PHACTR3: variants seen among roughly 807,000 people sequenced by gnomAD.
The protein encoded by PHACTR3 is phosphatase and actin regulator 3, also known as protein phosphatase 1, regulatory subunit 123.
A neutral mutation model predicts 66.8 loss-of-function variants in PHACTR3; 16 were observed. The observed-to-expected ratio is 0.24, with a 90% CI of 0.16 to 0.36. The LOEUF (loss-of-function observed/expected upper bound fraction) is 0.36, where lower values mean the gene tolerates loss of function less well. Ranked by LOEUF, PHACTR3 falls within the 10% of genes least tolerant of loss-of-function variation. PHACTR3 has a pLI of 1.00. For missense variants in PHACTR3, 647 were observed against 719.9 expected, an observed-to-expected ratio of 0.90 and a Z score of 1.16; for synonymous variants, 323 against 292.1, an observed-to-expected ratio of 1.11 and a Z score of -1.08.
intron 1 of PHACTR3, among the ~76,000 whole-genome samples, chr20:59,667,800 T>C (rs1036235316): frequency 1.3e-5 from 2 of 152,178 alleles, no homozygotes; most frequent in African/African-American, 4.8e-5. Flanking sequence ...GGCCTTTCTG[T>C]CTAAGCAGAT....
intron 1 of PHACTR3, among the ~76,000 whole-genome samples, chr20:59,696,670 C>T (rs1467095728): frequency 6.6e-6 from 1 of 152,170 alleles, no homozygotes; most frequent in Non-Finnish European, 1.5e-5. Flanking sequence ...GCAGCTCCTG[C>T]CCTGGCTCTG....
At chr20:59,765,918 T>C (rs577818323) in intron 4 of PHACTR3, among the ~76,000 whole-genome samples, 23 of 152,262 alleles carry the variant, frequency 1.5e-4, no homozygotes, top group Admixed American at 1.0e-3. Context: ...TGGGTAGTTG[T>C]AAAAACTGAA....
At position 59,640,699 on chromosome 20, in the gene PHACTR3, G is replaced by C. The variant is rs147644037; in HGVS notation, c.118+35567G>C. Among the ~76,000 whole-genome samples the C allele has an allele frequency of 2.1e-3, 317 of 152,296 alleles. 1 individual carries two copies. The highest frequency in any genetic ancestry group is 7.3e-3 in the African/African-American group (305 of 41,564). On this transcript the variant is annotated intron_variant, in intron 1 of 12. Transcript: ENST00000371015. ...CAACCATGGGGAGAACCTAAGTCTTGTTTCTAGAGAGATCATAGGGTTGTA... is the reference window on the plus strand; with the variant it reads ...CAACCATGGGGAGAACCTAAGTCTTCTTTCTAGAGAGATCATAGGGTTGTA...
chr20:59,602,966 T>C (rs1600892727), upstream of PHACTR3, among the ~76,000 whole-genome samples: 1 of 152,302 alleles, frequency 6.6e-6, no homozygotes, highest in East Asian at 1.9e-4. Context: ...CTCTTGAAGT[T>C]GCCTTCATCT....
chr20:59,843,530 A>C (rs1410682592), intron 11 of PHACTR3: 6 of 152,138 alleles, frequency 3.9e-5, no homozygotes, highest in Non-Finnish European at 1.5e-5. Flanking sequence ...GAAAAAATTC[A>C]CTTATTTACA....
intron 7 of PHACTR3, among the ~76,000 whole-genome samples, chr20:59,805,580 C>T (rs2426842): frequency 0.74 from 112,618 of 151,994 alleles, 46,566 homozygotes; most frequent in Non-Finnish European, 0.93. Flanking sequence ...GAGACCCTAG[C>T]GTGGGATATC....
At chr20:59,678,911 A>G in intron 1 of PHACTR3, among the ~76,000 whole-genome samples, 1 of 149,724 alleles carries the variant, frequency 6.7e-6, no homozygotes. Context: ...GGCTGTTACA[A>G]AGGCAATTGC....
intron 3 of PHACTR3, among the ~76,000 whole-genome samples, chr20:59,750,020 C>A (rs569744929): frequency 3.9e-5 from 6 of 152,102 alleles, no homozygotes; most frequent in Non-Finnish European, 7.3e-5. Flanking sequence ...TAAATTGATG[C>A]CATGACATTT....
At chr20:59,600,158 TCCTC>T (rs2033434270), upstream of PHACTR3, among the ~76,000 whole-genome samples, 1 of 152,124 alleles carries the variant, frequency 6.6e-6, no homozygotes, top group Non-Finnish European at 1.5e-5. Flanking sequence ...GGGGCGCCCT[TCCTC>T]CCTTGCATGT....
chr20:59,764,942 G>A (rs1023192719), intron 4 of PHACTR3, among the ~76,000 whole-genome samples: 2 of 152,190 alleles, frequency 1.3e-5, no homozygotes, highest in African/African-American at 4.8e-5. Context: ...CCAGGAACTT[G>A]GCTGCCGAGG....
chr20:59,579,477 G>A (rs752081301), intron 1 of PHACTR3, among the ~76,000 whole-genome samples: 4 of 152,248 alleles, frequency 2.6e-5, no homozygotes, highest in Non-Finnish European at 5.9e-5. Context: ...TGATGGCACT[G>A]GGGAATAGGA....
chr20:59,637,953 T>C (rs982572333), intron 1 of PHACTR3, among the ~76,000 whole-genome samples: 3 of 152,216 alleles, frequency 2.0e-5, no homozygotes, highest in African/African-American at 7.2e-5. Context: ...CCCATTATTA[T>C]TATCCCCATT....
Position 59,738,445 on chromosome 20 carries a change from T to C in PHACTR3, c.119-4662T>C, listed in dbSNP as rs542410769. On this transcript the variant is annotated intron_variant, in intron 1 of 12. Coordinates refer to ENST00000371015, the MANE Select transcript of PHACTR3 (RefSeq NM_080672.5). The surrounding 1 kb of genome is among the most constrained non-coding windows in gnomAD (Gnocchi z 4.4). Reference sequence around the variant, plus strand: ...AGTGATAGGGTTAGAGCTCTATTTCTAAGACATCGGATCACAGGAAGACCA... The same window carrying C: ...AGTGATAGGGTTAGAGCTCTATTTCCAAGACATCGGATCACAGGAAGACCA... Among the ~76,000 whole-genome samples, 5 of 144,870 alleles carry C rather than the reference T, an allele frequency of 3.5e-5. No homozygotes were observed. The highest frequency in any genetic ancestry group is 7.5e-5 in the Non-Finnish European group (5 of 66,240).
At chr20:59,619,383 T>C (rs1423401626) in intron 1 of PHACTR3, among the ~76,000 whole-genome samples, 2 of 152,058 alleles carry the variant, frequency 1.3e-5, no homozygotes, top group Non-Finnish European at 2.9e-5. Context: ...GAGTGACCTC[T>C]AGGAGCTGAG....
chr20:59,792,855 G>A (rs1386360107), intron 7 of PHACTR3, among the ~76,000 whole-genome samples: 1 of 151,970 alleles, frequency 6.6e-6, no homozygotes, highest in Admixed American at 6.6e-5. Flanking sequence ...TGCTGTTTTG[G>A]TTACTATAGC....
intron 9 of PHACTR3, among the ~76,000 whole-genome samples, chr20:59,838,498 T>C (rs1347174275): frequency 1.3e-5 from 2 of 152,212 alleles, no homozygotes; most frequent in Non-Finnish European, 2.9e-5. Flanking sequence ...TATATGGTGA[T>C]GGTAATTCTT....
At chr20:59,586,240 C>G (rs913559481) in intron 1 of PHACTR3, among the ~76,000 whole-genome samples, 3 of 152,210 alleles carry the variant, frequency 2.0e-5, no homozygotes, top group African/African-American at 7.2e-5. Flanking sequence ...GCCACTCCCC[C>G]AGAGGGCAAA....
chr20:59,628,943 T>G, intron 1 of PHACTR3: 1 of 414,554 alleles, frequency 2.4e-6, no homozygotes, highest in Non-Finnish European at 3.2e-6. Context: ...CTTTCCATGG[T>G]TCACTGGTTG....
chr20:59,799,013 AT>A (rs1453129647), intron 7 of PHACTR3, among the ~76,000 whole-genome samples: 4 of 151,914 alleles, frequency 2.6e-5, no homozygotes, highest in Non-Finnish European at 5.9e-5. Context: ...ACACTTTCAA[AT>A]TTCCCTTTTG....
Sources: gnomAD v4.1 joint callset for allele counts (sites outside exome capture counted in the v4.1 genomes callset) on GRCh38, gnomAD v4.1.1 for gene constraint, Gnocchi (gnomAD v3.1) non-coding constraint, MANE v1.5 for transcripts, NCBI Gene and HGNC (gene_info 2026-07-23, HGNC 2026-07-21) for gene names.